PALD1: variants seen among roughly 807,000 people sequenced by gnomAD.
PALD1 encodes the protein paladin.
A neutral mutation model predicts 96.0 loss-of-function variants in PALD1; 57 were observed. That is an observed-to-expected ratio of 0.59 (90% CI 0.48 to 0.74). The LOEUF is 0.74. Among genes scored for constraint, PALD1 ranks in the 30% least tolerant of loss-of-function variants. PALD1 has a pLI of 0.00. For synonymous variants in PALD1, 464 were observed against 473.6 expected (o/e 0.98, Z 0.26); for missense variants, 1,063 against 1,143.7 (o/e 0.93, Z 1.02).
the PALD1 span, among the ~76,000 whole-genome samples, chr10:70,471,314 G>A: frequency 9.2e-5 from 14 of 152,250 alleles, no homozygotes; most frequent in Admixed American, 4.6e-4. Context: ...TTCCAAGCTC[G>A]CTGCACATTT....
intron 1 of PALD1, among the ~76,000 whole-genome samples, chr10:70,521,223 T>C (rs898631397): frequency 2.6e-5 from 4 of 152,072 alleles, no homozygotes; most frequent in Non-Finnish European, 5.9e-5. Context: ...TGGGAGTTGT[T>C]CAGATCCAAG....
chr10:70,522,264 C>G (rs1379868204), intron 1 of PALD1, among the ~76,000 whole-genome samples: 1 of 152,128 alleles, frequency 6.6e-6, no homozygotes, highest in Non-Finnish European at 1.5e-5. Flanking sequence ...TTCTTTGCAG[C>G]TAGTTTTATA....
intron 18 of PALD1, among the ~76,000 whole-genome samples, chr10:70,557,688 G>A (rs1403929653): frequency 1.3e-5 from 2 of 152,226 alleles, no homozygotes; most frequent in African/African-American, 4.8e-5. Flanking sequence ...GCTGCACGTG[G>A]GAAGAGGGTG....
At chr10:70,548,667 A>G (rs535199624) in intron 18 of PALD1, among the ~76,000 whole-genome samples, 8 of 152,192 alleles carry the variant, frequency 5.3e-5, no homozygotes, top group Non-Finnish European at 8.8e-5. Flanking sequence ...CTGGCCAGCA[A>G]TTCTCAGAAA....
intron 1 of PALD1, among the ~76,000 whole-genome samples, chr10:70,489,357 C>T (rs1454457010): frequency 6.6e-6 from 1 of 152,180 alleles, no homozygotes; most frequent in Non-Finnish European, 1.5e-5. Flanking sequence ...TGAACCCCAT[C>T]CCCTGCATCC....
chr10:70,551,648 A>G (rs1428276144), intron 18 of PALD1, among the ~76,000 whole-genome samples: 1 of 152,168 alleles, frequency 6.6e-6, no homozygotes, highest in African/African-American at 2.4e-5. Context: ...CGGCTTCAGC[A>G]GTCAACTTAT....
intron 1 of PALD1, among the ~76,000 whole-genome samples, chr10:70,507,524 T>G (rs1846414761): frequency 6.6e-6 from 1 of 152,200 alleles, no homozygotes; most frequent in Non-Finnish European, 1.5e-5. Flanking sequence ...TGGGCTCAAG[T>G]GATCCTCCCA....
At position 70,539,752 on chromosome 10, in the gene PALD1, C is replaced by T. The variant is rs963660882; in HGVS notation, c.1898C>T (p.Pro633Leu). The T allele has an allele frequency of 6.2e-7, 1 of 1,609,160 alleles. No homozygotes were observed. Among genetic ancestry groups the T allele is most frequent in the South Asian group, 1.1e-5 (1 of 90,768 alleles). ...ATCCCCATGCCGGACTTCTGTGCCC[C>T]CCGAGAGGAGGTGAGGGTGCTGCTC... ...HRIPMPDFCA[P>L]REEDFDQLLE... Residue 633 changes from proline (P) to leucine (L), a missense_variant, in exon 15 of 20, where the codon CCC becomes CTC. Physicochemically the swap from Pro to Leu is moderately conservative, Grantham distance 98. Transcript: ENST00000263563. The surrounding 1 kb of genome is among the most constrained non-coding windows in gnomAD (Gnocchi z 4.5).
chr10:70,528,656 A>G (rs1846922266), intron 2 of PALD1, among the ~76,000 whole-genome samples: 1 of 152,226 alleles, frequency 6.6e-6, no homozygotes, highest in Non-Finnish European at 1.5e-5. Flanking sequence ...GGTACAGGCT[A>G]GGCCGCTGTC....
In PALD1 at chr10:70,547,570, G is replaced by A. The variant is rs1589213992; in HGVS notation, c.2262+124G>A. 9 of 638,688 alleles carry A rather than the reference G, an allele frequency of 1.4e-5. No homozygotes were observed. The East Asian group carries it at 2.3e-4, about 16-fold the overall frequency. 39.6% of individuals were successfully genotyped at this position (638,688 alleles called of 1,614,324 possible). A position where few individuals can be genotyped will look rare whatever the true frequency, so the allele number is the denominator to read the frequency against. ...CCTAGGGGCCCCTCCTTGGCTCGTG[G>A]TCACTTTTCCACCTTCTGGAAGTGG... is the stretch of plus-strand genomic sequence containing the variant. On this transcript the variant is annotated intron_variant, in intron 18 of 19. Transcript: ENST00000263563.
the PALD1 span, among the ~76,000 whole-genome samples, chr10:70,459,278 A>G: frequency 6.6e-6 from 1 of 152,282 alleles, no homozygotes; most frequent in East Asian, 1.9e-4. Context: ...AGGTGAAGTC[A>G]CTTCTTCAAG....
intron 1 of PALD1, among the ~76,000 whole-genome samples, chr10:70,524,425 C>T (rs1564696223): frequency 2.0e-5 from 3 of 152,222 alleles, no homozygotes; most frequent in South Asian, 2.1e-4. Context: ...CTTCCCCATC[C>T]CTTGACCAGC....
rs746292347 is a variant in PALD1 at position 70,526,245 on chromosome 10, G to A, written c.185+109G>A. On this transcript the variant is annotated intron_variant, in intron 2 of 19. Transcript: ENST00000263563. ...ACTTAACGCTTGCAGACTGGATTCG[G>A]GTTCATAGATGATGACACTGAGGCC... is the stretch of plus-strand genomic sequence containing the variant. 8.1e-6 allele frequency: 7 copies of A among 862,754 alleles called. No individual in the cohort carries two copies. In the East Asian group the frequency reaches 1.0e-4, roughly 12 times the overall value. 53.4% of individuals were successfully genotyped at this position (862,754 alleles called of 1,614,324 possible).
the PALD1 span, among the ~76,000 whole-genome samples, chr10:70,459,815 C>A: frequency 2.0e-5 from 3 of 152,126 alleles, no homozygotes; most frequent in Admixed American, 1.3e-4. Context: ...CACGTACTCC[C>A]CCTCAGCCAC....
intron 1 of PALD1, among the ~76,000 whole-genome samples, chr10:70,506,702 C>T (rs1846398580): frequency 6.6e-6 from 1 of 152,178 alleles, no homozygotes; most frequent in Non-Finnish European, 1.5e-5. Flanking sequence ...GATAGGTGCC[C>T]CATTTTACTT....
chr10:70,470,252 A>G, the PALD1 span, among the ~76,000 whole-genome samples: 1 of 152,264 alleles, frequency 6.6e-6, no homozygotes, highest in South Asian at 2.1e-4. Context: ...TAACTGTCAT[A>G]TCTGGACAAT....
rs777231848 is a variant in PALD1 at position 70,537,796 on chromosome 10, T to G, written c.1228-15T>G. 7.5e-6 allele frequency: 12 copies of G among 1,590,804 alleles called. No homozygotes were observed. Among genetic ancestry groups the G allele is most frequent in the South Asian group, 2.2e-5 (2 of 90,418 alleles). The stretch of plus-strand genomic sequence containing the variant: ...CCTGAGGAGTCTGTCCTTAACACCC[T>G]GTCCTCTCTCTCAGGGAAGCGGCAG... On this transcript the variant is annotated splice_polypyrimidine_tract_variant and intron_variant, in intron 10 of 19. Coordinates refer to ENST00000263563, the MANE Select transcript of PALD1 (RefSeq NM_014431.3).
At chr10:70,505,278 G>C (rs1193220433) in intron 1 of PALD1, among the ~76,000 whole-genome samples, 1 of 152,132 alleles carries the variant, frequency 6.6e-6, no homozygotes, top group Non-Finnish European at 1.5e-5. Flanking sequence ...GAAGGGACAG[G>C]CTCACTTTAC....
intron 1 of PALD1, among the ~76,000 whole-genome samples, chr10:70,519,139 C>T (rs556223176): frequency 5.9e-5 from 9 of 152,278 alleles, no homozygotes; most frequent in Admixed American, 2.0e-4. Flanking sequence ...GACAGAGTCT[C>T]GCTATGTTGC....
Sources: allele counts gnomAD v4.1 joint callset (sites outside exome capture counted in the v4.1 genomes callset), GRCh38; gene constraint gnomAD v4.1.1; non-coding constraint Gnocchi (gnomAD v3.1); transcripts MANE v1.5; gene names NCBI Gene and HGNC (gene_info 2026-07-23, HGNC 2026-07-21).